SLC4A8: variants seen among roughly 807,000 people sequenced by gnomAD.
SLC4A8 encodes the protein solute carrier family 4 member 8.
Under a neutral mutation model 125.0 loss-of-function variants are expected in SLC4A8, and 40 were observed. That is an observed-to-expected ratio of 0.32 (90% CI 0.25 to 0.42). SLC4A8 has a LOEUF of 0.42. SLC4A8 is among the 10% of genes least tolerant of loss of function. The pLI is 1.00. For missense variants in SLC4A8, 863 were observed against 1,355.1 expected (o/e 0.64, Z 5.70); for synonymous variants, 456 against 476.0 (o/e 0.96, Z 0.55).
At chr12:51,483,979 A>G (rs1485758829) in intron 16 of SLC4A8, among the ~76,000 whole-genome samples, 3 of 152,092 alleles carry the variant, frequency 2.0e-5, no homozygotes, top group African/African-American at 7.2e-5. Flanking sequence ...ATGAGTGAGA[A>G]CATGCGGTGT....
chr12:51,486,087 C>G (rs1951155540), intron 17 of SLC4A8, among the ~76,000 whole-genome samples, 187 bp downstream of exon 17: 1 of 152,026 alleles, frequency 6.6e-6, no homozygotes, highest in African/African-American at 2.4e-5. Context: ...GACAGAAAAG[C>G]CAGAGAACAG....
At chr12:51,463,094 G>A (rs767763586) in intron 10 of SLC4A8, among the ~76,000 whole-genome samples, 8 of 152,026 alleles carry the variant, frequency 5.3e-5, no homozygotes, top group Non-Finnish European at 1.2e-4. Context: ...AGAGCAGATA[G>A]AATGTCTGAT....
intron 1 of SLC4A8, among the ~76,000 whole-genome samples, chr12:51,399,980 CAA>C (rs11323317): frequency 1.5e-4 from 19 of 122,864 alleles, no homozygotes; most frequent in Admixed American, 1.7e-4. Context: ...CACTTCGTCT[CAA>C]AAAAAAAAAA....
chr12:51,490,262 A>AGATGAGGTG (rs1357535901), intron 19 of SLC4A8, among the ~76,000 whole-genome samples: 3 of 152,112 alleles, frequency 2.0e-5, no homozygotes, highest in African/African-American at 7.2e-5. Flanking sequence ...ATGCTATTTA[A>AGATGAGGTG]GATGAGGTGG....
chr12:51,512,875 T>A lies in SLC4A8; in HGVS notation c.*5437T>A, dbSNP rs963591187. On this transcript the variant is annotated 3_prime_UTR_variant, in exon 25 of 25. Coordinates refer to ENST00000453097, the MANE Select transcript of SLC4A8 (RefSeq NM_001039960.3). ...TGGGAAAAGATGTTTAAACTCAGCA[T>A]GAAGGAGAAACAAATTTAGGAGTGG... is the stretch of plus-strand genomic sequence containing the variant. The A allele has an allele frequency of 6.6e-6, 1 of 152,192 alleles. No homozygotes were observed. The highest frequency in any genetic ancestry group is 1.5e-5 in the Non-Finnish European group (1 of 68,036). The allele number at this position is 152,192 out of a possible 1,614,324, so 9.4% of individuals were successfully genotyped here. A position where few individuals can be genotyped will look rare whatever the true frequency, so the allele number is the denominator to read the frequency against.
At chr12:51,423,294 A>G (rs948263406), upstream of SLC4A8, among the ~76,000 whole-genome samples, 7 of 152,234 alleles carry the variant, frequency 4.6e-5, no homozygotes, top group Non-Finnish European at 8.8e-5. Flanking sequence ...GTGAGATGAC[A>G]TCTGTTAGGG....
intron 19 of SLC4A8, among the ~76,000 whole-genome samples, chr12:51,493,230 T>A (rs1443537743): frequency 6.6e-6 from 1 of 152,114 alleles, no homozygotes; most frequent in East Asian, 1.9e-4. Flanking sequence ...ATTACCTCTT[T>A]GATAAGATAC....
intron 1 of SLC4A8, among the ~76,000 whole-genome samples, chr12:51,413,298 T>C (rs1487454905): frequency 6.6e-6 from 1 of 152,222 alleles, no homozygotes; most frequent in Non-Finnish European, 1.5e-5. Flanking sequence ...GAGTTCTTTA[T>C]ATATTCTGGA....
At position 51,471,347 on chromosome 12, in the gene SLC4A8, G is replaced by C; in HGVS notation, c.1719G>C (p.Leu573=). The C allele has an allele frequency of 6.2e-7, 1 of 1,614,052 alleles. No homozygotes were observed. Among genetic ancestry groups the C allele is most frequent in the Non-Finnish European group, 8.5e-7 (1 of 1,180,006 alleles). The change falls in exon 14 of 25, where the codon CTG becomes CTC. Residue 573 remains leucine, a synonymous_variant. Coordinates refer to ENST00000453097, the MANE Select transcript of SLC4A8 (RefSeq NM_001039960.3). ...RACIGLWTAF[L]CIVLVATDAS... ...GTATTGGACTGTGGACCGCTTTCCT[G>C]TGTATTGTCCTTGTGGCAACTGATG... is the stretch of plus-strand genomic sequence containing the variant.
chr12:51,424,063 CAACAAAAAAA>C (rs1418260232), upstream of SLC4A8, among the ~76,000 whole-genome samples: 1 of 107,054 alleles, frequency 9.3e-6, no homozygotes, highest in African/African-American at 3.6e-5. Flanking sequence ...ACAAAAAAAA[CAACAAAAAAA>C]AAACAAAAAA....
chr12:51,469,876 G>T (rs1189232422), intron 12 of SLC4A8, 88 bp downstream of exon 12: 4 of 1,221,104 alleles, frequency 3.3e-6, no homozygotes, highest in Non-Finnish European at 4.7e-6. Flanking sequence ...GAAATTACTT[G>T]GTCTAGGACT....
At chr12:51,450,653 T>A in intron 2 of SLC4A8, 1 of 529,564 alleles carries the variant, frequency 1.9e-6, no homozygotes, top group Middle Eastern at 5.0e-4. Flanking sequence ...CTTCACAAGA[T>A]CCCTGTGAAG....
At chr12:51,487,370 A>G (rs1034827274) in intron 17 of SLC4A8, among the ~76,000 whole-genome samples, 1 of 152,192 alleles carries the variant, frequency 6.6e-6, no homozygotes, top group African/African-American at 2.4e-5. Flanking sequence ...ACCACTTAGA[A>G]CATTGTTGTT....
Position 51,514,498 on chromosome 12 carries a change from C to G in SLC4A8, c.*7060C>G, listed in dbSNP as rs1938468378. 1 of 152,232 alleles carries G rather than the reference C, an allele frequency of 6.6e-6. No homozygotes were observed. The highest frequency in any genetic ancestry group is 1.5e-5 in the Non-Finnish European group (1 of 68,066). The allele number at this position is 152,232 out of a possible 1,614,324, so 9.4% of individuals were successfully genotyped here. On this transcript the variant is annotated 3_prime_UTR_variant, in exon 25 of 25. Transcript: ENST00000453097. Reference sequence around the variant, plus strand: ...AAGTTCTTGGTCAGAGGTCCTAAAACCACCACCAGCTGGGGGTGCTGAGAA... The same window carrying G: ...AAGTTCTTGGTCAGAGGTCCTAAAAGCACCACCAGCTGGGGGTGCTGAGAA...
At chr12:51,483,178 G>A (rs997301147) in intron 16 of SLC4A8, among the ~76,000 whole-genome samples, 1 of 152,154 alleles carries the variant, frequency 6.6e-6, no homozygotes, top group East Asian at 1.9e-4. Context: ...GTACCCACCA[G>A]CCCAGTAGGT....
chr12:51,492,031 G>A (rs533354979), intron 19 of SLC4A8, among the ~76,000 whole-genome samples: 6 of 152,300 alleles, frequency 3.9e-5, no homozygotes, highest in African/African-American at 7.2e-5. Context: ...GTTTTTCTGC[G>A]AAGCAAGATG....
intron 11 of SLC4A8, among the ~76,000 whole-genome samples, chr12:51,464,616 G>A (rs539126327): frequency 6.6e-6 from 1 of 152,198 alleles, no homozygotes; most frequent in South Asian, 2.1e-4. Context: ...TCTCTGTTAA[G>A]CTGTGCTGTG....
At chr12:51,453,982 A>G (rs1950050115) in intron 5 of SLC4A8, among the ~76,000 whole-genome samples, 1 of 152,174 alleles carries the variant, frequency 6.6e-6, no homozygotes, top group African/African-American at 2.4e-5. Flanking sequence ...TATACTTGAT[A>G]ATGTGCTAGG....
chr12:51,423,772 G>T (rs1050269520), upstream of SLC4A8, among the ~76,000 whole-genome samples: 1 of 152,064 alleles, frequency 6.6e-6, no homozygotes, highest in Admixed American at 6.5e-5. Context: ...CATGGCTCAC[G>T]CCTGTAATCC....
Sources: allele counts gnomAD v4.1 joint callset (sites outside exome capture counted in the v4.1 genomes callset), GRCh38; gene constraint gnomAD v4.1.1; transcripts MANE v1.5; gene names NCBI Gene and HGNC (gene_info 2026-07-23, HGNC 2026-07-21).